Variants in ZNF385B observed in about 807,000 individuals in gnomAD.
ZNF385B encodes zinc finger protein 533.
ZNF385B carries 23 observed loss-of-function variants against 39.2 expected under a neutral mutation model. The ratio of observed to expected loss-of-function variants is 0.59; its 90% CI spans 0.42 to 0.83. The LOEUF is 0.83. Among genes scored for constraint, ZNF385B ranks in the 40% least tolerant of loss-of-function variants. The pLI, the probability that ZNF385B is intolerant of heterozygous loss-of-function variation, is 0.00. For synonymous variants in ZNF385B, 205 were observed against 222.6 expected (o/e 0.92, Z 0.70); for missense variants, 552 against 598.9 (o/e 0.92, Z 0.82).
intron 8 of ZNF385B, among the ~76,000 whole-genome samples, chr2:179,445,322 T>A (rs1463996438): frequency 1.3e-5 from 2 of 152,140 alleles, no homozygotes; most frequent in East Asian, 3.9e-4. Context: ...ACTGTTCCTA[T>A]CTCTCCAACA....
At chr2:179,573,140 G>A (rs1685422050) in intron 3 of ZNF385B, among the ~76,000 whole-genome samples, 1 of 152,102 alleles carries the variant, frequency 6.6e-6, no homozygotes, top group South Asian at 2.1e-4. Context: ...CTTTAAAGTT[G>A]AAGAAAGTGA....
At chr2:179,826,076 G>C (rs996365162) in intron 1 of ZNF385B, among the ~76,000 whole-genome samples, 1 of 152,198 alleles carries the variant, frequency 6.6e-6, no homozygotes, top group African/African-American at 2.4e-5. Context: ...CAGCAAATGA[G>C]AGCCTAAAAT....
chr2:179,507,974 C>T (rs1044089168), intron 5 of ZNF385B, among the ~76,000 whole-genome samples: 3 of 152,138 alleles, frequency 2.0e-5, no homozygotes, highest in East Asian at 1.9e-4. Context: ...AAAATGCTGT[C>T]GCTTCATTTA....
At chr2:179,731,439 C>G (rs1461506665) in intron 3 of ZNF385B, among the ~76,000 whole-genome samples, 2 of 152,206 alleles carry the variant, frequency 1.3e-5, no homozygotes, top group Non-Finnish European at 2.9e-5. Flanking sequence ...GTAACTGTTT[C>G]TTCACAATCA....
chr2:179,806,526 C>T (rs552789655), intron 1 of ZNF385B, among the ~76,000 whole-genome samples: 39 of 152,280 alleles, frequency 2.6e-4, no homozygotes, highest in African/African-American at 9.1e-4. Flanking sequence ...AGCCGTTAAC[C>T]TTTCAATAAC....
At chr2:179,504,527 C>T (rs944574141) in intron 5 of ZNF385B, among the ~76,000 whole-genome samples, 4 of 152,072 alleles carry the variant, frequency 2.6e-5, no homozygotes, top group Admixed American at 1.3e-4. Flanking sequence ...TCCACATCCT[C>T]TCCAGCACCT....
intron 3 of ZNF385B, among the ~76,000 whole-genome samples, chr2:179,761,612 T>C (rs1703392250): frequency 6.6e-6 from 1 of 151,870 alleles, no homozygotes; most frequent in Non-Finnish European, 1.5e-5. Context: ...AGGTTCTCAC[T>C]CTGTCACGCA....
At chr2:179,578,833 G>A (rs1686158115) in intron 3 of ZNF385B, among the ~76,000 whole-genome samples, 3 of 152,004 alleles carry the variant, frequency 2.0e-5, no homozygotes. Context: ...TTAACTCTTG[G>A]TTTGGTATAG....
chr2:179,653,051 AGT>A (rs1693350917), intron 3 of ZNF385B, among the ~76,000 whole-genome samples: 1 of 152,160 alleles, frequency 6.6e-6, no homozygotes, highest in Admixed American at 6.6e-5. Flanking sequence ...AAATTTTTTA[AGT>A]AATTGACTAA....
At chr2:179,685,351 T>C (rs1200393849) in intron 3 of ZNF385B, among the ~76,000 whole-genome samples, 2 of 152,228 alleles carry the variant, frequency 1.3e-5, no homozygotes, top group Non-Finnish European at 2.9e-5. Context: ...GTTTGAAGTG[T>C]TGCAATTACA....
At chr2:179,550,517 T>G (rs1054908813) in intron 3 of ZNF385B, among the ~76,000 whole-genome samples, 1 of 149,764 alleles carries the variant, frequency 6.7e-6, no homozygotes, top group Non-Finnish European at 1.5e-5. Flanking sequence ...TTAGCAGCTG[T>G]TTACCATTTC....
At chr2:179,762,277 C>T (rs1291168425) in intron 3 of ZNF385B, among the ~76,000 whole-genome samples, 1 of 152,080 alleles carries the variant, frequency 6.6e-6, no homozygotes, top group Non-Finnish European at 1.5e-5. Context: ...GCAACCTCCA[C>T]CTCCCAGGTT....
chr2:179,622,937 C>T (rs1434149749), intron 3 of ZNF385B, among the ~76,000 whole-genome samples: 1 of 152,130 alleles, frequency 6.6e-6, no homozygotes. Context: ...TTCGTGAAAG[C>T]CTTCAGAGGG....
chr2:179,688,770 C>T (rs899244314), intron 3 of ZNF385B, among the ~76,000 whole-genome samples: 1 of 152,062 alleles, frequency 6.6e-6, no homozygotes, highest in Non-Finnish European at 1.5e-5. Flanking sequence ...CTTGAATGTA[C>T]TCCTCCTCTG....
intron 3 of ZNF385B, among the ~76,000 whole-genome samples, chr2:179,698,899 C>A (rs1301443846): frequency 6.6e-6 from 1 of 151,996 alleles, no homozygotes; most frequent in Non-Finnish European, 1.5e-5. Context: ...TCTTCTGATC[C>A]CAGCTAACTA....
At chr2:179,689,783 ATG>A (rs112957152) in intron 3 of ZNF385B, among the ~76,000 whole-genome samples, 6,439 of 129,976 alleles carry the variant, frequency 0.05, 168 homozygotes, top group African/African-American at 0.079. Flanking sequence ...GGGCAGGGGC[ATG>A]TGTGTGTGTG....
At chr2:179,812,305 A>T (rs1047937074) in intron 1 of ZNF385B, among the ~76,000 whole-genome samples, 3 of 152,196 alleles carry the variant, frequency 2.0e-5, no homozygotes, top group Non-Finnish European at 4.4e-5. Context: ...TAGCCAAAAG[A>T]AAATTAATTC....
chr2:179,840,451 T>C (rs1708482112), intron 1 of ZNF385B, among the ~76,000 whole-genome samples: 2 of 152,180 alleles, frequency 1.3e-5, no homozygotes, highest in Admixed American at 1.3e-4. Context: ...TTGGAAAGAT[T>C]TTTTTGTTGA....
intron 6 of ZNF385B, among the ~76,000 whole-genome samples, chr2:179,452,479 A>G (rs1260790361): frequency 1.3e-5 from 2 of 151,956 alleles, no homozygotes; most frequent in Admixed American, 6.6e-5. Flanking sequence ...CATATGGAAG[A>G]GTCATGTCCA....
Sources: gnomAD v4.1 joint callset for allele counts (sites outside exome capture counted in the v4.1 genomes callset) on GRCh38, gnomAD v4.1.1 for gene constraint, MANE v1.5 for transcripts, NCBI Gene and HGNC (gene_info 2026-07-23, HGNC 2026-07-21) for gene names.